ACLY: variants seen among roughly 807,000 people sequenced by gnomAD.
ACLY encodes the protein ATP-citrate synthase.
ACLY carries 41 observed loss-of-function variants against 133.0 expected under a neutral mutation model. The ratio of observed to expected loss-of-function variants is 0.31; its 90% confidence interval spans 0.24 to 0.40. The LOEUF (loss-of-function observed/expected upper bound fraction) is 0.40, where lower values mean the gene tolerates loss of function less well. Among genes scored for constraint, ACLY ranks in the 10% least tolerant of loss-of-function variants. The probability of loss-of-function intolerance (pLI) is 1.00; values close to 1 mark genes in which losing one functional copy is unlikely to be tolerated. For missense variants in ACLY, 1,046 were observed against 1,453.8 expected, an observed-to-expected ratio of 0.72 and a Z score of 4.56; for synonymous variants, 495 against 549.3, an observed-to-expected ratio of 0.90 and a Z score of 1.38.
chr17:41,896,537 G>A, intron 14 of ACLY, 83 bp downstream of exon 14: 2 of 1,288,200 alleles, frequency 1.6e-6, no homozygotes, highest in Non-Finnish European at 2.2e-6. Context: ...CCCACCAGGG[G>A]AGGGGGAAAC....
chr17:41,915,879 C>T (rs552650003), intron 1 of ACLY, among the ~76,000 whole-genome samples: 2 of 152,274 alleles, frequency 1.3e-5, no homozygotes, highest in African/African-American at 4.8e-5. Flanking sequence ...GCTGACCATC[C>T]TCAGCAATTC....
chr17:41,919,683 G>C (rs1420751007), upstream of ACLY, among the ~76,000 whole-genome samples: 2 of 152,230 alleles, frequency 1.3e-5, no homozygotes, highest in African/African-American at 4.8e-5. Context: ...AATTCAATGC[G>C]AGATTCCAGC....
chr17:41,876,727 G>A (rs1490434312), intron 22 of ACLY, among the ~76,000 whole-genome samples: 1 of 152,100 alleles, frequency 6.6e-6, no homozygotes, highest in Non-Finnish European at 1.5e-5. Context: ...TGCTGGTTAA[G>A]AGTCATCACC....
At chr17:41,904,604 A>G in intron 10 of ACLY, 125 bp downstream of exon 10, 1 of 862,562 alleles carries the variant, frequency 1.2e-6, no homozygotes, top group Non-Finnish European at 1.9e-6. Context: ...CTGGGGCAAG[A>G]GCTCCCTACC....
chr17:41,880,591 G>A (rs932450622), intron 20 of ACLY, among the ~76,000 whole-genome samples: 2 of 152,148 alleles, frequency 1.3e-5, no homozygotes, highest in Admixed American at 6.6e-5. Flanking sequence ...AGGGCTGGGC[G>A]CAGTGGTTCA....
chr17:41,889,551 A>AAAAAAAAAAAAAAAAAAAC (rs2049148760), intron 16 of ACLY, among the ~76,000 whole-genome samples: 1 of 149,704 alleles, frequency 6.7e-6, no homozygotes, highest in Non-Finnish European at 1.5e-5. Context: ...AAAAAAAAAA[A>AAAAAAAAAAAAAAAAAAAC]AAAAAGAAGT....
chr17:41,930,485 C>G, exon 1 of ACLY: 1 of 473,428 alleles, frequency 2.1e-6, no homozygotes, highest in Admixed American at 3.5e-5. Flanking sequence ...ACAGCAAACA[C>G]TAACCAGCCC....
At chr17:41,915,120 T>A (rs989952821) in intron 1 of ACLY, among the ~76,000 whole-genome samples, 1 of 152,166 alleles carries the variant, frequency 6.6e-6, no homozygotes, top group African/African-American at 2.4e-5. Flanking sequence ...GCCAGGCCCA[T>A]GTGTCCTTTT....
At chr17:41,924,708 G>A (rs781807990) in intron 1 of ACLY, among the ~76,000 whole-genome samples, 1 of 152,172 alleles carries the variant, frequency 6.6e-6, no homozygotes, top group Non-Finnish European at 1.5e-5. Flanking sequence ...CCCGACAGAG[G>A]CTGCCTGCCA....
intron 23 of ACLY, 60 bp downstream of exon 23, chr17:41,873,750 TG>T: frequency 6.8e-7 from 1 of 1,471,610 alleles, no homozygotes; most frequent in African/African-American, 1.4e-5. Flanking sequence ...ACCCCTTTGT[TG>T]GGGGAAAATC....
chr17:41,873,220 C>T (rs1555625428), intron 23 of ACLY, among the ~76,000 whole-genome samples: 1 of 145,508 alleles, frequency 6.9e-6, no homozygotes, highest in African/African-American at 2.6e-5. Flanking sequence ...GCTCTTGTTG[C>T]TCAGGCTGGA....
chr17:41,878,966 G>T, intron 20 of ACLY, 42 bp from the exon 21 acceptor site: 5 of 1,612,410 alleles, frequency 3.1e-6, no homozygotes, highest in Non-Finnish European at 3.4e-6. Flanking sequence ...AATCCCCCAA[G>T]AGTGAACATA....
chr17:41,910,074 C>T lies in ACLY; in HGVS notation c.345+148G>A, dbSNP rs193097677. ...TCCTTCCCCTCTGGACTCCCGAGTC[C>T]GCAGCACCCTCAGATCCTCAGTGCA... On this transcript the variant is annotated intron_variant, in intron 4 of 28. Transcript: ENST00000352035. 1.5e-4 allele frequency: 120 copies of T among 788,976 alleles called. No individual in the cohort carries two copies. The Middle Eastern group carries it at 1.9e-3, about 13-fold the overall frequency. 48.9% of individuals were successfully genotyped at this position (788,976 alleles called of 1,614,324 possible). A position where few individuals can be genotyped will look rare whatever the true frequency, so the allele number is the denominator to read the frequency against.
intron 1 of ACLY, among the ~76,000 whole-genome samples, chr17:41,916,363 TTTTTG>T (rs1324203727): frequency 5.4e-5 from 8 of 147,030 alleles, no homozygotes; most frequent in African/African-American, 1.0e-4. Flanking sequence ...GTCTTCTGTT[TTTTTG>T]TTTTGTTTTG....
intron 16 of ACLY, among the ~76,000 whole-genome samples, chr17:41,890,951 C>A (rs2049193566): frequency 1.3e-5 from 2 of 149,346 alleles, no homozygotes; most frequent in African/African-American, 4.9e-5. Flanking sequence ...GGCTGTGTGA[C>A]AGAGTGAGGC....
chr17:41,914,413 C>G (rs538866307), intron 1 of ACLY, among the ~76,000 whole-genome samples: 2 of 152,294 alleles, frequency 1.3e-5, no homozygotes, highest in South Asian at 4.1e-4. Flanking sequence ...CCAGATTTAC[C>G]CCTATACACA....
At chr17:41,926,792 T>C (rs954589574) in intron 1 of ACLY, among the ~76,000 whole-genome samples, 4 of 152,158 alleles carry the variant, frequency 2.6e-5, no homozygotes, top group East Asian at 1.9e-4. Context: ...CCAGGCCTTA[T>C]TGTGTTTTTA....
chr17:41,910,350 G>T (rs2049865253), intron 3 of ACLY, 66 bp from the exon 4 acceptor site: 2 of 1,451,758 alleles, frequency 1.4e-6, no homozygotes, highest in Admixed American at 1.8e-5. Flanking sequence ...GGCAGAAGGA[G>T]GGACTGCACA....
At chr17:41,920,191 G>A (rs569129955), upstream of ACLY, among the ~76,000 whole-genome samples, 190 of 152,332 alleles carry the variant, frequency 1.2e-3, no homozygotes, top group Non-Finnish European at 2.6e-3. Flanking sequence ...TAAGGTAACT[G>A]AACTTGCTAC....
Sources: gnomAD v4.1 joint callset for allele counts (sites outside exome capture counted in the v4.1 genomes callset) on GRCh38, gnomAD v4.1.1 for gene constraint, MANE v1.5 for transcripts, NCBI Gene and HGNC (gene_info 2026-07-23, HGNC 2026-07-21) for gene names.